SYN3: variants seen among roughly 807,000 people sequenced by gnomAD.
SYN3 encodes synapsin-3.
Under a neutral mutation model 65.8 loss-of-function variants are expected in SYN3, and 35 were observed. The observed-to-expected ratio is 0.53, with a 90% confidence interval of 0.41 to 0.70. SYN3 has a LOEUF of 0.70. SYN3 is among the 30% of genes least tolerant of loss of function. The pLI, the probability that SYN3 is intolerant of heterozygous loss-of-function variation, is 0.00. For synonymous variants in SYN3, 270 were observed against 292.9 expected (o/e 0.92, Z 0.80); for missense variants, 680 against 749.0 (o/e 0.91, Z 1.08).
intron 6 of SYN3, among the ~76,000 whole-genome samples, chr22:32,741,347 A>ATT (rs71187210): frequency 0.015 from 1,476 of 98,684 alleles, 107 homozygotes; most frequent in East Asian, 0.043. Context: ...CTAGAGCCCA[A>ATT]TTTTTTTTTT....
intron 3 of SYN3, among the ~76,000 whole-genome samples, chr22:32,940,689 T>C (rs758399670): frequency 3.9e-5 from 6 of 152,254 alleles, no homozygotes; most frequent in Non-Finnish European, 2.9e-5. Context: ...TGGCAGTCTA[T>C]TTCTAAATTC....
chr22:32,789,728 T>C (rs1167883985), intron 6 of SYN3, among the ~76,000 whole-genome samples: 2 of 152,200 alleles, frequency 1.3e-5, no homozygotes, highest in Non-Finnish European at 2.9e-5. Flanking sequence ...GGTATCAGTA[T>C]TGGTTACGTT....
Position 32,751,844 on chromosome 22 carries a change from C to T in SYN3, c.711+113071G>A, listed in dbSNP as rs183920301. The stretch of plus-strand genomic sequence containing the variant: ...TGGTTTACACTCAGACTGGTGAGGC[C>T]AGAGCTAAAATAATAGGAAGCATTT... On this transcript the variant is annotated intron_variant, in intron 6 of 13. Transcript: ENST00000358763. 1.0e-3 allele frequency among the ~76,000 whole-genome samples: 157 copies of T among 151,588 alleles called. 2 individuals carry two copies. Among genetic ancestry groups the T allele is most frequent in the South Asian group, 2.7e-3 (13 of 4,808 alleles).
rs1314265547 is a variant in SYN3, at chr22:32,511,890, T to C, written c.*1802A>G. Among the ~76,000 whole-genome samples the C allele has an allele frequency of 2.0e-5, 3 of 152,164 alleles. No homozygotes were observed. Among genetic ancestry groups the C allele is most frequent in the African/African-American group, 4.8e-5 (2 of 41,416 alleles). On this transcript the variant is annotated 3_prime_UTR_variant, in exon 14 of 14. Coordinates refer to ENST00000358763, the MANE Select transcript of SYN3 (RefSeq NM_003490.4). ...TATCCTGGGGTCTCTTGCTCTTAAA[T>C]CCAGACCTGATCATGAGTGAGGGAA... is the stretch of plus-strand genomic sequence containing the variant.
chr22:32,562,262 T>G (rs1280882072), intron 7 of SYN3, among the ~76,000 whole-genome samples: 5 of 152,258 alleles, frequency 3.3e-5, no homozygotes, highest in Admixed American at 3.3e-4. Context: ...TCCAGCCGAC[T>G]GGAACCTTCC....
chr22:32,882,450 G>A (rs977587446), intron 4 of SYN3, among the ~76,000 whole-genome samples: 10 of 152,274 alleles, frequency 6.6e-5, no homozygotes, highest in African/African-American at 2.4e-4. Flanking sequence ...GACAAACTCA[G>A]TTGTGAACAT....
At position 32,601,903 on chromosome 22, in the gene SYN3, TAGAGGG is replaced by T. The variant is rs1276841786; in HGVS notation, c.712-5173_712-5168del. On this transcript the variant is annotated intron_variant, in intron 6 of 13. Transcript: ENST00000358763. ...TTGGGCCTGGACTGGGAAGAAATGGTAGAGGGAGTGGGAGCACTCCCAGAGCTTTTC... is the reference window on the plus strand; with the variant it reads ...TTGGGCCTGGACTGGGAAGAAATGGTAGTGGGAGCACTCCCAGAGCTTTTC... Among the ~76,000 whole-genome samples the T allele has an allele frequency of 3.3e-5, 5 of 151,804 alleles. No individual in the cohort carries two copies. The East Asian group carries it at 9.7e-4, about 29-fold the overall frequency.
At chr22:32,835,354 G>C (rs140433634) in intron 6 of SYN3, among the ~76,000 whole-genome samples, 10 of 152,290 alleles carry the variant, frequency 6.6e-5, no homozygotes, top group African/African-American at 2.2e-4. Flanking sequence ...GTGAGTGTAT[G>C]GGGGCAGGGA....
chr22:32,969,282 C>T (rs567324087), intron 3 of SYN3, among the ~76,000 whole-genome samples: 1 of 152,238 alleles, frequency 6.6e-6, no homozygotes, highest in African/African-American at 2.4e-5. Context: ...AGAGGAGAGT[C>T]TAAAGGGTCA....
chr22:32,522,250 G>T (rs370739610), intron 12 of SYN3, among the ~76,000 whole-genome samples: 1 of 152,142 alleles, frequency 6.6e-6, no homozygotes. Flanking sequence ...TAATCTGAGC[G>T]TTAATTCACT....
chr22:32,744,979 C>G (rs1031033815), intron 6 of SYN3, among the ~76,000 whole-genome samples: 8 of 152,146 alleles, frequency 5.3e-5, no homozygotes, highest in African/African-American at 1.9e-4. Context: ...ACCCAGCACT[C>G]TGTGCTAGGC....
At position 32,824,572 on chromosome 22, in the gene SYN3, A is replaced by G. The variant is rs192989766; in HGVS notation, c.711+40343T>C. On this transcript the variant is annotated intron_variant, in intron 6 of 13. Transcript: ENST00000358763. ...GTGTATATATGTATATATTTTTTGC[A>G]TAATTAAATAATATATATATGTCAT... is the stretch of plus-strand genomic sequence containing the variant. Among the ~76,000 whole-genome samples, 29 of 152,250 alleles carry G rather than the reference A, an allele frequency of 1.9e-4. No individual in the cohort carries two copies. The East Asian group carries it at 3.9e-3, about 20-fold the overall frequency.
At position 32,568,661 on chromosome 22, in the gene SYN3, G is replaced by T. The variant is rs368327083; in HGVS notation, c.775-26948C>A. 7.9e-4 allele frequency among the ~76,000 whole-genome samples: 120 copies of T among 152,226 alleles called. 1 individual carries two copies. The Middle Eastern group carries it at 0.01, about 13-fold the overall frequency. On this transcript the variant is annotated intron_variant, in intron 7 of 13. Coordinates refer to ENST00000358763, the MANE Select transcript of SYN3 (RefSeq NM_003490.4). ...AAAGACACTAATCCCATTCCTCAGG[G>T]ATCTGCCCTCATGACCTCCCGAAGG...
chr22:32,788,917 G>A, intron 6 of SYN3, among the ~76,000 whole-genome samples: 1 of 152,118 alleles, frequency 6.6e-6, no homozygotes, highest in Non-Finnish European at 1.5e-5. Flanking sequence ...GGAGAGGAGT[G>A]GGAACAACTC....
At chr22:32,935,048 T>C (rs1210185825) in intron 3 of SYN3, among the ~76,000 whole-genome samples, 1 of 152,208 alleles carries the variant, frequency 6.6e-6, no homozygotes, top group Non-Finnish European at 1.5e-5. Flanking sequence ...TTTGGGAATT[T>C]TGGCCTCCAG....
At chr22:32,846,698 T>C (rs1013615703) in intron 6 of SYN3, among the ~76,000 whole-genome samples, 1 of 152,218 alleles carries the variant, frequency 6.6e-6, no homozygotes, top group African/African-American at 2.4e-5. Flanking sequence ...GGCTCTTTAA[T>C]GCAATGCTAT....
chr22:32,632,986 G>A (rs576280745), intron 6 of SYN3, among the ~76,000 whole-genome samples: 19 of 152,310 alleles, frequency 1.2e-4, no homozygotes, highest in African/African-American at 4.6e-4. Context: ...TGTTCATTCC[G>A]AAGCCACAAC....
intron 6 of SYN3, among the ~76,000 whole-genome samples, chr22:32,682,164 G>A (rs2060532748): frequency 1.3e-5 from 2 of 152,110 alleles, no homozygotes; most frequent in Admixed American, 6.5e-5. Flanking sequence ...GACATTTTTG[G>A]TTGTCACAAC....
At chr22:32,728,539 AC>A (rs2061227981) in intron 6 of SYN3, among the ~76,000 whole-genome samples, 1 of 152,150 alleles carries the variant, frequency 6.6e-6, no homozygotes, top group South Asian at 2.1e-4. Context: ...GCTGACCTTG[AC>A]CATGTATCTC....
Sources: allele counts gnomAD v4.1 joint callset (sites outside exome capture counted in the v4.1 genomes callset), GRCh38; gene constraint gnomAD v4.1.1; transcripts MANE v1.5; gene names NCBI Gene and HGNC (gene_info 2026-07-23, HGNC 2026-07-21).